SLC25A28: variants seen among roughly 807,000 people sequenced by gnomAD.
The protein encoded by SLC25A28 is solute carrier family 25 member 28.
A neutral mutation model predicts 31.9 loss-of-function variants in SLC25A28; 10 were observed. The observed-to-expected ratio is 0.31, with a 90% CI of 0.19 to 0.53. The LOEUF (loss-of-function observed/expected upper bound fraction) is 0.53. SLC25A28 is among the 20% of genes least tolerant of loss of function. SLC25A28 has a pLI of 0.95. For missense variants in SLC25A28, 256 were observed against 490.3 expected, an observed-to-expected ratio of 0.52 and a Z score of 4.51; for synonymous variants, 208 against 203.6, an observed-to-expected ratio of 1.02 and a Z score of -0.19.
At chr10:99,652,730 C>T in the SLC25A28 span, among the ~76,000 whole-genome samples, 7 of 152,180 alleles carry the variant, frequency 4.6e-5, no homozygotes, top group South Asian at 1.5e-3. Flanking sequence ...CATACTGTAC[C>T]CCCACCCCAG....
At chr10:99,656,777 A>C in the SLC25A28 span, among the ~76,000 whole-genome samples, 7 of 152,292 alleles carry the variant, frequency 4.6e-5, no homozygotes, top group East Asian at 1.3e-3. Context: ...GCAGTTAAAA[A>C]CCTGTTTTGA....
At chr10:99,628,284 C>A in the SLC25A28 span, among the ~76,000 whole-genome samples, 1 of 152,190 alleles carries the variant, frequency 6.6e-6, no homozygotes, top group Non-Finnish European at 1.5e-5. Flanking sequence ...TTACTCATGT[C>A]TCGACTTGAG....
chr10:99,641,062 A>G, the SLC25A28 span, among the ~76,000 whole-genome samples: 1 of 152,142 alleles, frequency 6.6e-6, no homozygotes, highest in Non-Finnish European at 1.5e-5. Context: ...ATGATTTATA[A>G]TCCTTTGGGT....
the SLC25A28 span, chr10:99,652,352 G>A: frequency 6.6e-6 from 1 of 152,444 alleles, no homozygotes; most frequent in Non-Finnish European, 1.5e-5. Context: ...GTCCTGGTAA[G>A]AGAAAGCAGG....
At chr10:99,627,883 C>CT in the SLC25A28 span, among the ~76,000 whole-genome samples, 8 of 151,562 alleles carry the variant, frequency 5.3e-5, no homozygotes, top group African/African-American at 1.9e-4. Flanking sequence ...CCGCAAGTTC[C>CT]CGCCACCCTT....
At chr10:99,657,285 C>T in the SLC25A28 span, among the ~76,000 whole-genome samples, 2 of 152,084 alleles carry the variant, frequency 1.3e-5, no homozygotes, top group African/African-American at 4.8e-5. Context: ...AAGGTAAATT[C>T]AAGAAATTTT....
chr10:99,644,240 C>G, the SLC25A28 span, among the ~76,000 whole-genome samples: 1 of 152,136 alleles, frequency 6.6e-6, no homozygotes, highest in Admixed American at 6.6e-5. Flanking sequence ...CTTTATGACT[C>G]TGGGTGCTCC....
At chr10:99,616,043 T>A (rs2034644785) in intron 1 of SLC25A28, 1 of 985,318 alleles carries the variant, frequency 1.0e-6, no homozygotes, top group African/African-American at 1.7e-5. Flanking sequence ...GGGCATAAGC[T>A]ATGCCAAATA....
chr10:99,621,031 A>G (rs997312351), upstream of SLC25A28: 7 of 965,916 alleles, frequency 7.2e-6, no homozygotes, highest in Non-Finnish European at 8.6e-6. Context: ...TTCCCGCGGG[A>G]TCTCGTCGCG....
chr10:99,612,711 G>C (rs1221007119), intron 2 of SLC25A28, 112 bp from the exon 3 acceptor site: 1 of 1,210,468 alleles, frequency 8.3e-7, no homozygotes, highest in African/African-American at 1.5e-5. Flanking sequence ...GAAAAGTAAC[G>C]TTAAGAGCTA....
At chr10:99,640,487 C>T in the SLC25A28 span, among the ~76,000 whole-genome samples, 1 of 152,182 alleles carries the variant, frequency 6.6e-6, no homozygotes, top group Admixed American at 6.5e-5. Context: ...AGGATATGTA[C>T]TATCTCATTG....
chr10:99,642,686 GATA>G, the SLC25A28 span, among the ~76,000 whole-genome samples: 1 of 152,124 alleles, frequency 6.6e-6, no homozygotes, highest in African/African-American at 2.4e-5. Flanking sequence ...CATTCAGTAT[GATA>G]TTGGCTGTGG....
the SLC25A28 span, among the ~76,000 whole-genome samples, chr10:99,633,424 G>A: frequency 1.3e-5 from 2 of 151,822 alleles, no homozygotes; most frequent in East Asian, 1.9e-4. Context: ...GGCCAGGCGC[G>A]GTGGCTCACA....
At chr10:99,630,301 T>A in the SLC25A28 span, among the ~76,000 whole-genome samples, 3 of 152,118 alleles carry the variant, frequency 2.0e-5, no homozygotes, top group South Asian at 4.2e-4. Flanking sequence ...GCAAATTTTT[T>A]AAAAATATTT....
chr10:99,614,175 C>G (rs1309625255), intron 1 of SLC25A28, among the ~76,000 whole-genome samples: 1 of 152,160 alleles, frequency 6.6e-6, no homozygotes, highest in Admixed American at 6.5e-5. Context: ...TGCTAAGTGT[C>G]CTGGTACTCC....
rs758288427 is a variant in SLC25A28, at chr10:99,611,403, G to A, written c.578-37C>T. On this transcript the variant is annotated intron_variant, in intron 3 of 3. Transcript: ENST00000370495. The surrounding 1 kb of genome is among the most constrained non-coding windows in gnomAD (Gnocchi z 5.5). ...ATCAACGAGGAAGGAAATGGTGACA[G>A]CAGCCAACCGGTGATGGAGAGTATC... 57 of 1,604,950 alleles carry A rather than the reference G, an allele frequency of 3.6e-5. No homozygotes were observed. Among genetic ancestry groups the A allele is most frequent in the Non-Finnish European group, 4.5e-5 (53 of 1,174,700 alleles).
At position 99,613,829 on chromosome 10, in the gene SLC25A28, C is replaced by T; in HGVS notation, c.387G>A (p.Arg129=). The T allele has an allele frequency of 2.5e-6, 4 of 1,614,230 alleles. No homozygotes were observed. The highest frequency in any genetic ancestry group is 1.3e-5 in the African/African-American group (1 of 75,064). ...CTGTGACGTTCAGCCCCCTCATGGGCCTCCATAGGCCCTCCGTTCTTATAA... is the reference window on the plus strand; with the variant it reads ...CTGTGACGTTCAGCCCCCTCATGGGTCTCCATAGGCCCTCCGTTCTTATAA... The part of the protein sequence containing the change: ...WRIIRTEGLW[R]PMRGLNVTAT... The change falls in exon 2 of 4, where the codon AGG becomes AGA. Residue 129 remains arginine (R), a synonymous_variant. Transcript: ENST00000370495. This position sits in a 1 kb window ranked among gnomAD's most constrained non-coding sequence, Gnocchi z 4.9.
At chr10:99,615,863 A>G (rs751939167) in intron 1 of SLC25A28, 2 of 985,324 alleles carry the variant, frequency 2.0e-6, no homozygotes, top group South Asian at 4.7e-5. Flanking sequence ...GCTGCAGTCA[A>G]TGGTGTATTT....
chr10:99,629,338 G>A, the SLC25A28 span, among the ~76,000 whole-genome samples: 2 of 152,096 alleles, frequency 1.3e-5, no homozygotes, highest in Admixed American at 6.6e-5. Flanking sequence ...CCTGCTTCTT[G>A]TATAACCTGC....
Sources: allele counts gnomAD v4.1 joint callset (sites outside exome capture counted in the v4.1 genomes callset), GRCh38; gene constraint gnomAD v4.1.1; non-coding constraint Gnocchi (gnomAD v3.1); transcripts MANE v1.5; gene names NCBI Gene and HGNC (gene_info 2026-07-23, HGNC 2026-07-21).